ABCA12: variants seen among roughly 807,000 people sequenced by gnomAD.
The protein encoded by ABCA12 is glucosylceramide transporter ABCA12.
A neutral mutation model predicts 293.5 loss-of-function variants in ABCA12; 156 were observed. That is an observed-to-expected ratio of 0.53 (90% CI 0.47 to 0.61). The LOEUF (loss-of-function observed/expected upper bound fraction) is 0.61, where lower values mean the gene tolerates loss of function less well. Among genes scored for constraint, ABCA12 ranks in the 20% least tolerant of loss-of-function variants. The pLI, the probability that ABCA12 is intolerant of heterozygous loss-of-function variation, is 0.00. For missense variants in ABCA12, 2,797 were observed against 3,090.2 expected (o/e 0.91, Z 2.25); for synonymous variants, 1,063 against 1,108.0 (o/e 0.96, Z 0.81).
chr2:214,955,355 T>C lies in ABCA12; in HGVS notation c.6240A>G (p.Ala2080=), dbSNP rs947649130. The part of the protein sequence containing the change: ...VSLLLLLFGY[A]TFSWMYLLAG... ...CCAGCAAGTACATCCAGGAAAATGT[T>C]GCATACCTGCAGGTTAAAAACACAA... The change falls in exon 43 of 53, where the codon GCA becomes GCG. Residue 2080 remains alanine (A), a synonymous_variant. Coordinates refer to ENST00000272895, the MANE Select transcript of ABCA12 (RefSeq NM_173076.3). The C allele has an allele frequency of 2.5e-6, 4 of 1,614,124 alleles. No individual in the cohort carries two copies. The highest frequency in any genetic ancestry group is 1.7e-5 in the Admixed American group (1 of 60,014).
At chr2:214,979,066 A>G (rs200359692) in intron 31 of ABCA12, 26 bp from the exon 32 acceptor site, 3 of 1,594,612 alleles carry the variant, frequency 1.9e-6, no homozygotes, top group Non-Finnish European at 2.6e-6. Flanking sequence ...AGGAATTAAA[A>G]CACTCTCCTC....
Position 214,976,040 on chromosome 2 carries a change from G to A in ABCA12, c.5129-3C>T, listed in dbSNP as rs779144727. 2.4e-5 allele frequency: 39 copies of A among 1,613,802 alleles called. No individual in the cohort carries two copies. Among genetic ancestry groups the A allele is most frequent in the Non-Finnish European group, 3.3e-5 (39 of 1,179,938 alleles). ...CTCTCCTCTTGTCAGGATTTTGTCT[G>A]ATTAAGAAAAAGAGATTGGATATGG... On this transcript the variant is annotated splice_polypyrimidine_tract_variant and splice_region_variant and intron_variant, in intron 33 of 52. Transcript: ENST00000272895.
At position 215,011,422 on chromosome 2, in the gene ABCA12, T is replaced by C; in HGVS notation, c.2332+17A>G. 6.4e-7 allele frequency: 1 copy of C among 1,574,304 alleles called. No individual in the cohort carries two copies. The highest frequency in any genetic ancestry group is 8.7e-7 in the Non-Finnish European group (1 of 1,144,470). On this transcript the variant is annotated intron_variant, in intron 17 of 52. Coordinates refer to ENST00000272895, the MANE Select transcript of ABCA12 (RefSeq NM_173076.3). The stretch of plus-strand genomic sequence containing the variant: ...TCATTAAGGGCAACTGTCATGCTTA[T>C]TTTAAAGTATACTCACTGGAATTTA...
chr2:215,012,301 C>T (rs540284314), intron 15 of ABCA12, among the ~76,000 whole-genome samples, 166 bp from the exon 16 acceptor site: 7 of 152,138 alleles, frequency 4.6e-5, no homozygotes, highest in Non-Finnish European at 1.0e-4. Context: ...CATTCCTGGG[C>T]GTTTACCTAA....
At chr2:214,950,382 ATCTGTGTGTGTGTGTG>A (rs1213799879) in intron 45 of ABCA12, among the ~76,000 whole-genome samples, 9 of 122,914 alleles carry the variant, frequency 7.3e-5, no homozygotes, top group Admixed American at 6.7e-4. Flanking sequence ...GTATATATAT[ATCTGTGTGTGTGTGTG>A]TGTGTGTGTG....
chr2:215,100,412 T>C (rs1019050546), intron 2 of ABCA12, among the ~76,000 whole-genome samples: 2 of 152,170 alleles, frequency 1.3e-5, no homozygotes, highest in Non-Finnish European at 2.9e-5. Context: ...CTGAAGTAAT[T>C]CTCAATTACC....
intron 2 of ABCA12, among the ~76,000 whole-genome samples, chr2:215,066,380 G>A (rs1006637993): frequency 1.3e-5 from 2 of 152,060 alleles, no homozygotes; most frequent in African/African-American, 4.8e-5. Flanking sequence ...TGATGGCGTG[G>A]CTGAGTCAGG....
chr2:215,136,841 T>G (rs1237328969), intron 1 of ABCA12, among the ~76,000 whole-genome samples: 1 of 152,076 alleles, frequency 6.6e-6, no homozygotes, highest in Non-Finnish European at 1.5e-5. Flanking sequence ...GTCTAACTCA[T>G]CATGCCACAT....
intron 28 of ABCA12, among the ~76,000 whole-genome samples, chr2:214,985,364 C>T (rs138797633): frequency 4.9e-4 from 74 of 152,048 alleles, no homozygotes; most frequent in African/African-American, 1.6e-3. Flanking sequence ...TGAGAATACA[C>T]GGACACAGAG....
At chr2:215,093,579 T>C (rs981298282) in intron 2 of ABCA12, among the ~76,000 whole-genome samples, 3 of 152,228 alleles carry the variant, frequency 2.0e-5, no homozygotes, top group Non-Finnish European at 2.9e-5. Flanking sequence ...CTCGATCTTA[T>C]TGTTTCAGGC....
At chr2:215,086,105 C>A (rs766625731) in intron 2 of ABCA12, among the ~76,000 whole-genome samples, 13 of 152,156 alleles carry the variant, frequency 8.5e-5, no homozygotes, top group Non-Finnish European at 1.3e-4. Flanking sequence ...ACATTTATTG[C>A]GCACCAACTA....
intron 33 of ABCA12, among the ~76,000 whole-genome samples, chr2:214,978,077 C>T (rs1699560766): frequency 1.3e-5 from 2 of 152,098 alleles, no homozygotes; most frequent in Admixed American, 6.6e-5. Flanking sequence ...GTGGAATACT[C>T]ATCACCATGC....
intron 1 of ABCA12, among the ~76,000 whole-genome samples, chr2:215,128,279 CA>C (rs1702971990): frequency 6.6e-6 from 1 of 152,182 alleles, no homozygotes; most frequent in African/African-American, 2.4e-5. Flanking sequence ...TGTGCCTAGG[CA>C]AAGATCTTTT....
intron 2 of ABCA12, among the ~76,000 whole-genome samples, chr2:215,109,102 TC>T (rs1490133184): frequency 6.6e-6 from 1 of 151,896 alleles, no homozygotes; most frequent in Non-Finnish European, 1.5e-5. Context: ...AGTAACTGCT[TC>T]TCTACCAGTC....
At chr2:215,045,085 G>A (rs1339148402) in intron 7 of ABCA12, among the ~76,000 whole-genome samples, 3 of 152,060 alleles carry the variant, frequency 2.0e-5, no homozygotes, top group Non-Finnish European at 4.4e-5. Flanking sequence ...GTGTACAAAC[G>A]ACTTGGTAAC....
intron 6 of ABCA12, among the ~76,000 whole-genome samples, chr2:215,049,345 C>G (rs1701270591): frequency 6.6e-6 from 1 of 152,140 alleles, no homozygotes; most frequent in South Asian, 2.1e-4. Flanking sequence ...AGAAAACTAT[C>G]AAACTTCATT....
chr2:215,125,322 T>C (rs1401796233), intron 1 of ABCA12, among the ~76,000 whole-genome samples: 1 of 152,180 alleles, frequency 6.6e-6, no homozygotes, highest in African/African-American at 2.4e-5. Context: ...AATTACTTTT[T>C]CTAACTCTGA....
intron 2 of ABCA12, among the ~76,000 whole-genome samples, chr2:215,074,453 C>A (rs954058232): frequency 1.3e-5 from 2 of 152,020 alleles, no homozygotes; most frequent in African/African-American, 2.4e-5. Context: ...TTAAAGTACA[C>A]ACTCTATAAT....
Position 215,104,767 on chromosome 2 carries a change from CA to C in ABCA12, c.163+6829del, listed in dbSNP as rs781282514. On this transcript the variant is annotated intron_variant, in intron 2 of 52. Coordinates refer to ENST00000272895, the MANE Select transcript of ABCA12 (RefSeq NM_173076.3). ...GAAGCAGGCTGTTAATGCTCCTACA[CA>C]AAAAATCTCTCCTACATATTTGGAA... Among the ~76,000 whole-genome samples, 5 of 152,252 alleles carry C rather than the reference CA, an allele frequency of 3.3e-5. No homozygotes were observed. In the East Asian group the frequency reaches 9.6e-4, roughly 29 times the overall value.
Sources: gnomAD v4.1 joint callset for allele counts (sites outside exome capture counted in the v4.1 genomes callset) on GRCh38, gnomAD v4.1.1 for gene constraint, MANE v1.5 for transcripts, NCBI Gene and HGNC (gene_info 2026-07-23, HGNC 2026-07-21) for gene names.